DIP2C: variants seen among roughly 807,000 people sequenced by gnomAD.
The protein encoded by DIP2C is disco-interacting protein 2 homolog C.
Under a neutral mutation model 192.4 loss-of-function variants are expected in DIP2C, and 33 were observed. The ratio of observed to expected loss-of-function variants is 0.17; its 90% CI spans 0.13 to 0.23. The LOEUF is 0.23. DIP2C is among the 10% of genes least tolerant of loss of function. DIP2C has a pLI of 1.00. For synonymous variants in DIP2C, 979 were observed against 864.1 expected, an observed-to-expected ratio of 1.13 and a Z score of -2.33; for missense variants, 1,537 against 2,110.1, an observed-to-expected ratio of 0.73 and a Z score of 5.32.
At chr10:632,323 C>G (rs565731460) in intron 1 of DIP2C, among the ~76,000 whole-genome samples, 16 of 152,168 alleles carry the variant, frequency 1.1e-4, no homozygotes, top group Non-Finnish European at 2.2e-4. Flanking sequence ...CTGGAAACCA[C>G]GCGGGCACCA....
At chr10:650,147 G>A (rs968142312) in intron 1 of DIP2C, 1 of 717,446 alleles carries the variant, frequency 1.4e-6, no homozygotes, top group South Asian at 1.5e-5. Context: ...CCCCCCAGGA[G>A]AGAGAAGACC....
rs560607730 is a variant in DIP2C, at chr10:408,494, A to G, written c.1149+432T>C. Among the ~76,000 whole-genome samples, 191 of 152,360 alleles carry G rather than the reference A, an allele frequency of 1.3e-3. 2 individuals are homozygous for G. The highest frequency in any genetic ancestry group is 2.3e-3 in the Non-Finnish European group (159 of 68,038). On this transcript the variant is annotated intron_variant, in intron 9 of 36. Transcript: ENST00000280886. The stretch of plus-strand genomic sequence containing the variant: ...TGTTGAACATGCCCACAGCAGACTC[A>G]TGCCTTTATAGTATTGCTTAAGTAA...
intron 1 of DIP2C, chr10:650,184 G>A: frequency 1.4e-6 from 1 of 717,410 alleles, no homozygotes; most frequent in Non-Finnish European, 2.6e-6. Context: ...TGGAGGTCCT[G>A]CGGGGTGGGT....
intron 1 of DIP2C, among the ~76,000 whole-genome samples, chr10:491,849 G>A (rs1056120007): frequency 3.3e-5 from 5 of 152,236 alleles, no homozygotes; most frequent in Admixed American, 1.3e-4. Context: ...GACCTGCTGT[G>A]CACCCTGCAG....
intron 17 of DIP2C, among the ~76,000 whole-genome samples, chr10:380,957 A>G (rs1359898218): frequency 2.0e-5 from 3 of 152,314 alleles, no homozygotes; most frequent in Non-Finnish European, 4.4e-5. Flanking sequence ...AAACCCCCGC[A>G]CAGAGGGAAG....
intron 14 of DIP2C, among the ~76,000 whole-genome samples, chr10:386,580 G>A (rs1291486755): frequency 6.6e-6 from 1 of 152,220 alleles, no homozygotes; most frequent in African/African-American, 2.4e-5. Context: ...ACAGCATCCA[G>A]ACTTGAGAGA....
At chr10:657,975 G>A (rs1856492476) in intron 1 of DIP2C, among the ~76,000 whole-genome samples, 1 of 150,092 alleles carries the variant, frequency 6.7e-6, no homozygotes, top group African/African-American at 2.4e-5. Flanking sequence ...ACCTGCCGCT[G>A]GACCTGCCGC....
At chr10:425,884 T>C (rs1256207698) in intron 4 of DIP2C, among the ~76,000 whole-genome samples, 1 of 152,180 alleles carries the variant, frequency 6.6e-6, no homozygotes, top group Non-Finnish European at 1.5e-5. Flanking sequence ...TAAAGCACAT[T>C]CATGAAAAGC....
chr10:360,068 C>G (rs1326692731), intron 22 of DIP2C, among the ~76,000 whole-genome samples: 1 of 151,796 alleles, frequency 6.6e-6, no homozygotes, highest in Non-Finnish European at 1.5e-5. Flanking sequence ...GGAAAGCGAG[C>G]TTTTGAGGAG....
chr10:371,294 G>A (rs945885955), intron 17 of DIP2C, among the ~76,000 whole-genome samples: 5 of 152,124 alleles, frequency 3.3e-5, no homozygotes, highest in South Asian at 2.1e-4. Context: ...TCGTGTCCCC[G>A]CAAAAGATCA....
At chr10:329,388 C>T (rs776821115) in intron 30 of DIP2C, 45 bp downstream of exon 30, 1 of 1,567,484 alleles carries the variant, frequency 6.4e-7, no homozygotes, top group South Asian at 1.2e-5. Flanking sequence ...AGAAAGGAGT[C>T]CCTGTGGGCT....
chr10:448,620 C>T lies in DIP2C; in HGVS notation c.269-7624G>A, dbSNP rs551224147. Among the ~76,000 whole-genome samples the T allele has an allele frequency of 3.2e-4, 43 of 133,148 alleles. 1 individual carries two copies. The highest frequency in any genetic ancestry group is 1.2e-3 in the African/African-American group (37 of 32,096). The allele number at this position is 133,148 out of a possible 152,430, so 87.4% of individuals were successfully genotyped here. A position where few individuals can be genotyped will look rare whatever the true frequency, so the allele number is the denominator to read the frequency against. ...GGGGCAAGCAGGACCCACTCACTCCCGTCGATACTCAGGATCACACACAGT... is the reference window on the plus strand; with the variant it reads ...GGGGCAAGCAGGACCCACTCACTCCTGTCGATACTCAGGATCACACACAGT... On this transcript the variant is annotated intron_variant, in intron 3 of 36. Coordinates refer to ENST00000280886, the MANE Select transcript of DIP2C (RefSeq NM_014974.3).
chr10:307,385 G>A (rs1956371504), intron 32 of DIP2C, among the ~76,000 whole-genome samples: 1 of 152,206 alleles, frequency 6.6e-6, no homozygotes, highest in Non-Finnish European at 1.5e-5. Flanking sequence ...TGAAAGTGAT[G>A]CTGGAGATTA....
intron 1 of DIP2C, among the ~76,000 whole-genome samples, chr10:631,923 AAT>A (rs1854542262): frequency 6.6e-6 from 1 of 152,258 alleles, no homozygotes; most frequent in South Asian, 2.1e-4. Flanking sequence ...CCATTAAATA[AAT>A]AGTCAATGTT....
intron 30 of DIP2C, among the ~76,000 whole-genome samples, chr10:327,437 G>A (rs1018823269): frequency 6.6e-6 from 1 of 152,226 alleles, no homozygotes; most frequent in Admixed American, 6.5e-5. Flanking sequence ...GAACTGTTAT[G>A]AGGAAAAAGG....
At chr10:518,021 G>A (rs1286249105) in intron 1 of DIP2C, among the ~76,000 whole-genome samples, 1 of 152,230 alleles carries the variant, frequency 6.6e-6, no homozygotes, top group Non-Finnish European at 1.5e-5. Context: ...AGGCAGTTTG[G>A]TGGGGTGGGC....
At chr10:515,855 C>G (rs1846318173) in intron 1 of DIP2C, among the ~76,000 whole-genome samples, 1 of 152,174 alleles carries the variant, frequency 6.6e-6, no homozygotes. Flanking sequence ...ATTCTCGTCT[C>G]TAAACACTAT....
In DIP2C at chr10:642,687, C is replaced by T. The variant is rs369429904; in HGVS notation, c.85+46807G>A. On this transcript the variant is annotated intron_variant, in intron 1 of 36. Transcript: ENST00000280886. ...CACCCCCGTCCCAGGCCATCGCACA[C>T]GGGTGCCCTCACCGGCACCGGGGTC... is the stretch of plus-strand genomic sequence containing the variant. Among the ~76,000 whole-genome samples the T allele has an allele frequency of 2.4e-4, 37 of 152,366 alleles. No individual in the cohort carries two copies. The South Asian group carries it at 7.0e-3, about 29-fold the overall frequency.
intron 4 of DIP2C, chr10:430,529 T>C (rs888459322): frequency 6.6e-6 from 1 of 152,224 alleles, no homozygotes; most frequent in Non-Finnish European, 1.5e-5. Flanking sequence ...ATCAGATTGA[T>C]TGTTTTGTTA....
Sources: gnomAD v4.1 joint callset for allele counts (sites outside exome capture counted in the v4.1 genomes callset) on GRCh38, gnomAD v4.1.1 for gene constraint, MANE v1.5 for transcripts, NCBI Gene and HGNC (gene_info 2026-07-23, HGNC 2026-07-21) for gene names.